Variants in AQR observed in about 807,000 individuals in gnomAD.
AQR encodes the protein aquarius intron-binding spliceosomal factor, also known as RNA helicase aquarius.
A neutral mutation model predicts 180.5 loss-of-function variants in AQR; 61 were observed. The ratio of observed to expected loss-of-function variants is 0.34; its 90% CI spans 0.28 to 0.42. AQR has a LOEUF of 0.42. Among genes scored for constraint, AQR ranks in the 10% least tolerant of loss-of-function variants. The probability of loss-of-function intolerance (pLI) is 1.00; values close to 1 mark genes in which losing one functional copy is unlikely to be tolerated. For synonymous variants in AQR, 551 were observed against 588.8 expected, an observed-to-expected ratio of 0.94 and a Z score of 0.93; for missense variants, 1,281 against 1,798.3, an observed-to-expected ratio of 0.71 and a Z score of 5.20.
chr15:34,896,185 G>C (rs1288102314), intron 22 of AQR, among the ~76,000 whole-genome samples: 1 of 152,164 alleles, frequency 6.6e-6, no homozygotes, highest in East Asian at 1.9e-4. Flanking sequence ...AATCTCTGTT[G>C]CAAGTACTGA....
At chr15:34,940,391 G>A (rs1439915155) in intron 8 of AQR, among the ~76,000 whole-genome samples, 5 of 152,160 alleles carry the variant, frequency 3.3e-5, no homozygotes, top group East Asian at 3.9e-4. Flanking sequence ...TTAGCCAGGC[G>A]TGGTGGCGCA....
rs182125768 is a variant in AQR at position 34,948,526 on chromosome 15, G to A, written c.210-142C>T. 7,148 of 1,133,482 alleles carry A rather than the reference G, an allele frequency of 6.3e-3. 38 individuals carry two copies. Among genetic ancestry groups the A allele is most frequent in the Non-Finnish European group, 7.7e-3 (6,416 of 832,844 alleles). The allele number at this position is 1,133,482 out of a possible 1,614,324, so 70.2% of individuals were successfully genotyped here. ...TATTTATAACTTGGAATCCTTGGCT[G>A]GGTGTGGTAGCTCATGCCTGTAATC... On this transcript the variant is annotated intron_variant, in intron 4 of 34. Transcript: ENST00000156471.
intron 28 of AQR, among the ~76,000 whole-genome samples, chr15:34,875,323 T>C (rs1056855304): frequency 4.6e-5 from 7 of 152,224 alleles, no homozygotes; most frequent in Non-Finnish European, 7.3e-5. Context: ...TTCAATTTCC[T>C]ACTCTATATG....
At chr15:34,960,843 A>G (rs1441067099) in intron 2 of AQR, 29 bp from the exon 3 acceptor site, 1 of 785,090 alleles carries the variant, frequency 1.3e-6, no homozygotes, top group Non-Finnish European at 2.0e-6. Flanking sequence ...AATGTTTAAT[A>G]TCTCAACAAC....
At chr15:34,918,212 T>C (rs755561611) in intron 15 of AQR, 46 bp downstream of exon 15, 1 of 1,593,422 alleles carries the variant, frequency 6.3e-7, no homozygotes, top group Non-Finnish European at 8.5e-7. Context: ...ATGATAAATC[T>C]GAAATTGTTT....
chr15:34,864,179 T>A (rs78214006), intron 32 of AQR, among the ~76,000 whole-genome samples: 2,061 of 152,204 alleles, frequency 0.014, 51 homozygotes, highest in African/African-American at 0.047. Flanking sequence ...TGGTTTTTTT[T>A]ATGGTCTAGT....
In AQR at chr15:34,969,375, A is replaced by T. The variant is rs998417861; in HGVS notation, c.75+164T>A. ...CCACGGTATGCCCAGCACCTAGCATAGTGGCCGGCACGGAGCTGATACTCA... is the reference window on the plus strand; with the variant it reads ...CCACGGTATGCCCAGCACCTAGCATTGTGGCCGGCACGGAGCTGATACTCA... On this transcript the variant is annotated intron_variant, in intron 1 of 34. Coordinates refer to ENST00000156471, the MANE Select transcript of AQR (RefSeq NM_014691.3). Among the ~76,000 whole-genome samples, 4 of 152,120 alleles carry T rather than the reference A, an allele frequency of 2.6e-5. 1 individual carries two copies. The highest frequency in any genetic ancestry group is 9.7e-5 in the African/African-American group (4 of 41,414).
In AQR at chr15:34,897,646, T is replaced by A. The variant is rs769560436; in HGVS notation, c.2303A>T (p.Asp768Val). Residue 768 changes from aspartate (D) to valine (V), a missense_variant, in exon 21 of 35, where the codon GAT becomes GTT. This residue lies in a region of AQR where 112 missense variants were observed against 128.6 expected (regional missense o/e 0.87). Coordinates refer to ENST00000156471, the MANE Select transcript of AQR (RefSeq NM_014691.3). ...GKKRKDADVE[D>V]EDTEEAKTLI... ...GGTTTTTGCTTCCTCGGTGTCTTCATCTTCCACATCCGCATCTTTCCTTTT... is the reference window on the plus strand; with the variant it reads ...GGTTTTTGCTTCCTCGGTGTCTTCAACTTCCACATCCGCATCTTTCCTTTT... The A allele has an allele frequency of 1.9e-6, 3 of 1,614,014 alleles. No homozygotes were observed. In the African/African-American group the frequency reaches 4.0e-5, roughly 22 times the overall value.
At chr15:34,872,557 T>C (rs921735542) in intron 30 of AQR, among the ~76,000 whole-genome samples, 1 of 152,136 alleles carries the variant, frequency 6.6e-6, no homozygotes, top group African/African-American at 2.4e-5. Flanking sequence ...AGTTGATTAC[T>C]GATAGAATAA....
intron 4 of AQR, among the ~76,000 whole-genome samples, chr15:34,952,068 T>G (rs1007806905): frequency 3.9e-5 from 6 of 152,224 alleles, no homozygotes; most frequent in African/African-American, 1.4e-4. Flanking sequence ...ATCTACTTCA[T>G]GTCATTTTTT....
At chr15:34,964,120 G>T in intron 2 of AQR, 114 bp downstream of exon 2, 4 of 744,758 alleles carry the variant, frequency 5.4e-6, no homozygotes, top group Non-Finnish European at 8.8e-6. Context: ...TGTATTTTTT[G>T]TAGATCGTTA....
rs1892596013 is a variant in AQR, at chr15:34,856,994, G to C, written c.4256C>G (p.Pro1419Arg). The C allele has an allele frequency of 6.2e-7, 1 of 1,614,038 alleles. No individual in the cohort carries two copies. The highest frequency in any genetic ancestry group is 8.5e-7 in the Non-Finnish European group (1 of 1,179,986). Residue 1419 changes from proline to arginine, a missense_variant, in exon 35 of 35, where the codon CCC becomes CGC. Pro to Arg is a moderately radical substitution (Grantham distance 103, BLOSUM62 -2). Transcript: ENST00000156471. ...EAMTVQADII[P>R]SPTDTSCRQE... ...ACGGCAGCTGGTGTCTGTTGGACTG[G>C]GTATGATGTCAGCTTGAACAGTCAT... is the stretch of plus-strand genomic sequence containing the variant.
At chr15:34,936,264 C>T (rs927721377) in intron 9 of AQR, among the ~76,000 whole-genome samples, 3 of 152,186 alleles carry the variant, frequency 2.0e-5, no homozygotes, top group African/African-American at 7.2e-5. Flanking sequence ...AAGGAAACTA[C>T]AATCCTTCTC....
chr15:34,862,242 CAAGT>C (rs1892679714), intron 33 of AQR, among the ~76,000 whole-genome samples: 2 of 152,056 alleles, frequency 1.3e-5, no homozygotes, highest in African/African-American at 4.8e-5. Context: ...GCTCTATTTC[CAAGT>C]AAGTAGTTAA....
At chr15:34,943,228 G>A in intron 6 of AQR, 1 of 1,610,238 alleles carries the variant, frequency 6.2e-7, no homozygotes, top group Admixed American at 1.7e-5. Context: ...GGCTATGGTG[G>A]GCAAACTAAG....
chr15:34,867,438 AT>A, intron 32 of AQR, 85 bp downstream of exon 32: 3 of 1,192,212 alleles, frequency 2.5e-6, no homozygotes, highest in Non-Finnish European at 3.7e-6. Flanking sequence ...AACTTAAAAA[AT>A]ATTTAGAACA....
rs1029452345 is a variant in AQR, at chr15:34,921,307, G to A, written c.1119-873C>T. ...AAATTAGCCAGGCGTGGTGGTGAGC[G>A]CCTGTAGTCCCAGCTACTCAGGAGG... On this transcript the variant is annotated intron_variant, in intron 13 of 34. Coordinates refer to ENST00000156471, the MANE Select transcript of AQR (RefSeq NM_014691.3). Among the ~76,000 whole-genome samples the A allele has an allele frequency of 1.3e-4, 20 of 151,600 alleles. 1 individual carries two copies. Among genetic ancestry groups the A allele is most frequent in the Admixed American group, 7.9e-4 (12 of 15,214 alleles).
Position 34,920,390 on chromosome 15 carries a change from G to C in AQR, c.1163C>G (p.Pro388Arg). The C allele has an allele frequency of 6.2e-7, 1 of 1,613,674 alleles. No homozygotes were observed. Among genetic ancestry groups the C allele is most frequent in the Non-Finnish European group, 8.5e-7 (1 of 1,179,876 alleles). Reference sequence around the variant, plus strand: ...TGTGTCTTCATTTTTAGGAAGAGTTGGCAACAAGCAGAGGTATGATGCCAC... The same window carrying C: ...TGTGTCTTCATTTTTAGGAAGAGTTCGCAACAAGCAGAGGTATGATGCCAC... ...HQVASYLCLL[P>R]TLPKNEDTTF... is the part of the protein sequence containing the mutation. The change falls in exon 14 of 35, where the codon CCA becomes CGA. Residue 388 changes from proline (P) to arginine (R), a missense_variant. Pro to Arg is a moderately radical substitution (Grantham distance 103, BLOSUM62 -2). Around this residue, in one of 9 missense-constraint regions of AQR, gnomAD observed 404 missense variants for 490.9 expected, o/e 0.82. Coordinates refer to ENST00000156471, the MANE Select transcript of AQR (RefSeq NM_014691.3).
chr15:34,962,496 T>C (rs892978758), intron 2 of AQR, among the ~76,000 whole-genome samples: 1 of 152,126 alleles, frequency 6.6e-6, no homozygotes, highest in Non-Finnish European at 1.5e-5. Flanking sequence ...TGGCCGGGTG[T>C]GGTGGCTCAA....
Sources: allele counts gnomAD v4.1 joint callset (sites outside exome capture counted in the v4.1 genomes callset), GRCh38; gene constraint gnomAD v4.1.1; regional missense constraint gnomAD v4.1.1; transcripts MANE v1.5; gene names NCBI Gene and HGNC (gene_info 2026-07-23, HGNC 2026-07-21).